PRPF39: variants seen among roughly 807,000 people sequenced by gnomAD.
PRPF39 encodes pre-mRNA-processing factor 39.
Under a neutral mutation model 82.1 loss-of-function variants are expected in PRPF39, and 27 were observed. That is an observed-to-expected ratio of 0.33 (90% CI 0.24 to 0.45). The LOEUF is 0.45. PRPF39 is among the 20% of genes least tolerant of loss of function. PRPF39 has a pLI of 1.00. For synonymous variants in PRPF39, 261 were observed against 256.4 expected, an observed-to-expected ratio of 1.02 and a Z score of -0.17; for missense variants, 581 against 796.9, an observed-to-expected ratio of 0.73 and a Z score of 3.26.
At position 45,114,208 on chromosome 14, in the gene PRPF39, C is replaced by G. The variant is rs1308750544; in HGVS notation, c.1783C>G (p.Gln595Glu). ...GCTTCTGAATGCTTATGATGAACATCAAACACTCCTGAAAGAACAGGATTC... is the reference window on the plus strand; with the variant it reads ...GCTTCTGAATGCTTATGATGAACATGAAACACTCCTGAAAGAACAGGATTC... ...NKLLNAYDEH[Q>E]TLLKEQDSLK... Residue 595 changes from glutamine (Q) to glutamate (E), a missense_variant, in exon 12 of 14, where the codon CAA (glutamine) becomes GAA (glutamate). Gln to Glu is a conservative substitution (Grantham distance 29, BLOSUM62 2). Coordinates refer to ENST00000355765, the MANE Select transcript of PRPF39 (RefSeq NM_017922.4). The G allele has an allele frequency of 6.2e-7, 1 of 1,600,900 alleles. No homozygotes were observed. Among genetic ancestry groups the G allele is most frequent in the African/African-American group, 1.3e-5 (1 of 74,544 alleles).
intron 4 of PRPF39, among the ~76,000 whole-genome samples, chr14:45,098,281 A>G (rs1466317217): frequency 6.6e-6 from 1 of 152,040 alleles, no homozygotes; most frequent in Non-Finnish European, 1.5e-5. Context: ...CCTTGTCTCA[A>G]AAACAAAAAA....
intron 1 of PRPF39, among the ~76,000 whole-genome samples, chr14:45,087,868 T>C (rs952282377): frequency 6.6e-6 from 1 of 151,816 alleles, no homozygotes; most frequent in Non-Finnish European, 1.5e-5. Context: ...ATTACAGGCG[T>C]GAGCCACTGC....
chr14:45,101,729 G>A lies in PRPF39; in HGVS notation c.570-800G>A, dbSNP rs559380715. ...GCTGGAATTACAGGTGTGAGCCATC[G>A]TGCCCAGCCTGTGATAAAACTTTAA... is the stretch of plus-strand genomic sequence containing the variant. On this transcript the variant is annotated intron_variant, in intron 4 of 13. Transcript: ENST00000355765. Among the ~76,000 whole-genome samples the A allele has an allele frequency of 1.2e-3, 183 of 152,072 alleles. 1 individual carries two copies. Among genetic ancestry groups the A allele is most frequent in the African/African-American group, 4.2e-3 (176 of 41,484 alleles).
Position 45,095,322 on chromosome 14 carries a change from C to G in PRPF39, c.83C>G (p.Pro28Arg), listed in dbSNP as rs761151709. 1 of 1,613,266 alleles carries G rather than the reference C, an allele frequency of 6.2e-7. No individual in the cohort carries two copies. The highest frequency in any genetic ancestry group is 8.5e-7 in the Non-Finnish European group (1 of 1,179,222). The change falls in exon 2 of 14, where the codon CCT becomes CGT. Residue 28 changes from proline to arginine, a missense_variant. By Grantham distance (103) the Pro-to-Arg change is moderately radical. Transcript: ENST00000355765. ...GNSSEVVVEHPTDFSTEIMNV... is the reference protein window; with the variant it reads ...GNSSEVVVEHRTDFSTEIMNV... ...AGTTCAGAGGTAGTGGTAGAACATCCTACTGATTTCAGTACTGAGATTATG... is the reference window on the plus strand; with the variant it reads ...AGTTCAGAGGTAGTGGTAGAACATCGTACTGATTTCAGTACTGAGATTATG...
chr14:45,101,041 C>A (rs1048936728), intron 4 of PRPF39, among the ~76,000 whole-genome samples: 2 of 152,150 alleles, frequency 1.3e-5, no homozygotes, highest in Non-Finnish European at 2.9e-5. Flanking sequence ...ACACATTGAT[C>A]TCTTTTTTGT....
chr14:45,095,160 T>C, intron 1 of PRPF39, 61 bp from the exon 2 acceptor site: 1 of 1,161,406 alleles, frequency 8.6e-7, no homozygotes, highest in Non-Finnish European at 1.2e-6. Context: ...AAGGTGTTGT[T>C]GAGGCCAAAT....
At chr14:45,113,486 CAG>C (rs1884753390) in intron 11 of PRPF39, among the ~76,000 whole-genome samples, 1 of 152,170 alleles carries the variant, frequency 6.6e-6, no homozygotes, top group South Asian at 2.1e-4. Flanking sequence ...GAACCTACTT[CAG>C]AGTTTCTGCT....
chr14:45,112,122 G>A (rs1292255379), intron 10 of PRPF39, among the ~76,000 whole-genome samples, 196 bp from the exon 11 acceptor site: 1 of 152,102 alleles, frequency 6.6e-6, no homozygotes, highest in Non-Finnish European at 1.5e-5. Context: ...ATGATCAACT[G>A]ATTGAAAAAT....
intron 1 of PRPF39, among the ~76,000 whole-genome samples, chr14:45,086,429 T>G (rs1014997665): frequency 6.6e-6 from 1 of 152,232 alleles, no homozygotes; most frequent in Admixed American, 6.5e-5. Flanking sequence ...CATTTTATAC[T>G]TGTGTCCTTT....
intron 3 of PRPF39, 178 bp downstream of exon 3, chr14:45,096,406 T>G: frequency 6.6e-7 from 1 of 1,512,116 alleles, no homozygotes; most frequent in Non-Finnish European, 8.9e-7. Flanking sequence ...AGCTAATATT[T>G]TCTCTCTTTG....
At chr14:45,101,721 G>A (rs201609246) in intron 4 of PRPF39, among the ~76,000 whole-genome samples, 95 of 152,056 alleles carry the variant, frequency 6.2e-4, no homozygotes, top group Non-Finnish European at 1.2e-3. Flanking sequence ...TTACAGGTGT[G>A]AGCCATCGTG....
At position 45,108,841 on chromosome 14, in the gene PRPF39, T is replaced by C. The variant is rs1217752938; in HGVS notation, c.1011+319T>C. ...TACATTACAATTCACCCATTTTAGA[T>C]ATATAGTAAAATGAGGTAATTTCCC... is the stretch of plus-strand genomic sequence containing the variant. On this transcript the variant is annotated intron_variant, in intron 7 of 13. Coordinates refer to ENST00000355765, the MANE Select transcript of PRPF39 (RefSeq NM_017922.4). 4.6e-5 allele frequency among the ~76,000 whole-genome samples: 7 copies of C among 152,190 alleles called. 1 individual carries two copies. The East Asian group carries it at 1.3e-3, about 29-fold the overall frequency.
intron 1 of PRPF39, 113 bp from the exon 2 acceptor site, chr14:45,095,108 T>C: frequency 1.7e-6 from 1 of 601,974 alleles, no homozygotes; most frequent in Non-Finnish European, 2.9e-6. Context: ...GGATTAAGAC[T>C]CACATTAATA....
chr14:45,086,232 T>C (rs920564375), intron 1 of PRPF39, among the ~76,000 whole-genome samples: 7 of 152,194 alleles, frequency 4.6e-5, no homozygotes, highest in Non-Finnish European at 7.3e-5. Context: ...TGAGCCACCG[T>C]GCCCGGCCCA....
Position 45,107,347 on chromosome 14 carries a change from C to A in PRPF39, c.738-104C>A, listed in dbSNP as rs188085377. 16 of 931,832 alleles carry A rather than the reference C, an allele frequency of 1.7e-5. No homozygotes were observed. In the East Asian group the frequency reaches 4.2e-4, roughly 25 times the overall value. 57.7% of individuals were successfully genotyped at this position (931,832 alleles called of 1,614,324 possible). A position where few individuals can be genotyped will look rare whatever the true frequency, so the allele number is the denominator to read the frequency against. ...GAGAAAAGGTATGATATTTTGGTTT[C>A]TTTTTTAAATCAAATCCTTTGAAAG... On this transcript the variant is annotated intron_variant, in intron 5 of 13. Coordinates refer to ENST00000355765, the MANE Select transcript of PRPF39 (RefSeq NM_017922.4).
At chr14:45,102,160 C>A (rs1299450845) in intron 4 of PRPF39, among the ~76,000 whole-genome samples, 1 of 152,128 alleles carries the variant, frequency 6.6e-6, no homozygotes, top group Non-Finnish European at 1.5e-5. Context: ...ATAAAATTTG[C>A]CTCTCTTTAA....
chr14:45,116,079 G>T lies in PRPF39; in HGVS notation c.*1166G>T. On this transcript the variant is annotated 3_prime_UTR_variant, in exon 14 of 14. Coordinates refer to ENST00000355765, the MANE Select transcript of PRPF39 (RefSeq NM_017922.4). ...AGTAAACAAATTTTATTAACTCCTT[G>T]AATTTTCCAGTTGACTCTTCCTTTA... 1 of 702,860 alleles carries T rather than the reference G, an allele frequency of 1.4e-6. No individual in the cohort carries two copies. Among genetic ancestry groups the T allele is most frequent in the Non-Finnish European group, 2.5e-6 (1 of 405,568 alleles). The allele number at this position is 702,860 out of a possible 1,614,324, so 43.5% of individuals were successfully genotyped here.
At position 45,110,745 on chromosome 14, in the gene PRPF39, G is replaced by A. The variant is rs1251714532; in HGVS notation, c.1500G>A (p.Arg500=). 1.3e-6 allele frequency: 2 copies of A among 1,557,360 alleles called. No homozygotes were observed. Among genetic ancestry groups the A allele is most frequent in the East Asian group, 2.4e-5 (1 of 41,790 alleles). The change falls in exon 10 of 14, where the codon CGG becomes CGA. Residue 500 remains arginine, a synonymous_variant. Coordinates refer to ENST00000355765, the MANE Select transcript of PRPF39 (RefSeq NM_017922.4). The surrounding 1 kb of genome is among the most constrained non-coding windows in gnomAD (Gnocchi z 4.0). The part of the protein sequence containing the change: ...ESSFYAVKLA[R]HLFKIQKNLP... ...CATTTTATGCTGTCAAACTAGCCCG[G>A]CATCTTTTCAAAATACAGAAAAACC...
intron 4 of PRPF39, among the ~76,000 whole-genome samples, chr14:45,101,591 G>A (rs1475642812): frequency 4.6e-5 from 7 of 151,566 alleles, no homozygotes; most frequent in Admixed American, 1.3e-4. Context: ...TCAGACTCCC[G>A]AGTAGCTCGG....
Sources: allele counts gnomAD v4.1 joint callset (sites outside exome capture counted in the v4.1 genomes callset), GRCh38; gene constraint gnomAD v4.1.1; non-coding constraint Gnocchi (gnomAD v3.1); transcripts MANE v1.5; gene names NCBI Gene and HGNC (gene_info 2026-07-23, HGNC 2026-07-21).